Variants in GPD2 observed in about 807,000 individuals in gnomAD.
The protein encoded by GPD2 is glycerol-3-phosphate dehydrogenase, mitochondrial.
In GPD2, 54 loss-of-function variants were observed where a neutral mutation model predicts 82.4. That is an observed-to-expected ratio of 0.66 (90% CI 0.53 to 0.82). The LOEUF (loss-of-function observed/expected upper bound fraction) is 0.82. GPD2 is among the 40% of genes least tolerant of loss of function. GPD2 has a pLI of 0.00. For synonymous variants in GPD2, 288 were observed against 306.1 expected (o/e 0.94, Z 0.62); for missense variants, 748 against 896.2 (o/e 0.83, Z 2.11).
At chr2:156,572,057 C>G (rs1453250423) in intron 13 of GPD2, among the ~76,000 whole-genome samples, 2 of 152,128 alleles carry the variant, frequency 1.3e-5, no homozygotes, top group African/African-American at 4.8e-5. Flanking sequence ...CCTTGTTTTA[C>G]TTGGCCAATT....
At chr2:156,483,811 A>G (rs1045258561) in intron 2 of GPD2, among the ~76,000 whole-genome samples, 21 of 152,138 alleles carry the variant, frequency 1.4e-4, no homozygotes, top group Non-Finnish European at 2.9e-4. Context: ...TGAATATAAC[A>G]ATTTGTTTAT....
At chr2:156,482,910 A>T (rs1043634300) in intron 2 of GPD2, among the ~76,000 whole-genome samples, 1 of 152,174 alleles carries the variant, frequency 6.6e-6, no homozygotes, top group African/African-American at 2.4e-5. Context: ...GAGGAAAAAT[A>T]TTTATGCTAA....
chr2:156,418,097 C>A, the GPD2 span, among the ~76,000 whole-genome samples: 1 of 152,100 alleles, frequency 6.6e-6, no homozygotes, highest in East Asian at 1.9e-4. Context: ...TGCCTGTAGT[C>A]CCAGCTACTC....
At position 156,550,761 on chromosome 2, in the gene GPD2, A is replaced by G. The variant is rs376831748; in HGVS notation, c.971+15A>G. 15 of 1,610,270 alleles carry G rather than the reference A, an allele frequency of 9.3e-6. No homozygotes were observed. The highest frequency in any genetic ancestry group is 8.9e-5 in the East Asian group (4 of 44,820). ...GGTTATTACAGGTAATTGTCTTCCA[A>G]TGTGGCAGTTGTCACCCAAAAAAGA... On this transcript the variant is annotated intron_variant, in intron 8 of 16. Coordinates refer to ENST00000438166, the MANE Select transcript of GPD2 (RefSeq NM_000408.5).
At chr2:156,429,828 C>T in the GPD2 span, among the ~76,000 whole-genome samples, 1 of 152,112 alleles carries the variant, frequency 6.6e-6, no homozygotes, top group African/African-American at 2.4e-5. Context: ...AGGTGGAGAT[C>T]TACCAAATGA....
At chr2:156,526,057 AAT>A in intron 6 of GPD2, among the ~76,000 whole-genome samples, 1 of 152,044 alleles carries the variant, frequency 6.6e-6, no homozygotes, top group African/African-American at 2.4e-5. Context: ...TTTTTCACCT[AAT>A]AGAGTAGATA....
chr2:156,573,026 G>A (rs1287132151), intron 13 of GPD2, among the ~76,000 whole-genome samples: 1 of 152,136 alleles, frequency 6.6e-6, no homozygotes, highest in Non-Finnish European at 1.5e-5. Context: ...GGGCATCTAT[G>A]ATACATGCTG....
At chr2:156,482,766 G>A (rs1454811007) in intron 2 of GPD2, among the ~76,000 whole-genome samples, 2 of 152,182 alleles carry the variant, frequency 1.3e-5, no homozygotes, top group East Asian at 3.9e-4. Flanking sequence ...AGTGGCTTAG[G>A]AAATACTATA....
intron 1 of GPD2, among the ~76,000 whole-genome samples, chr2:156,452,208 G>A (rs575920391): frequency 5.3e-5 from 8 of 152,344 alleles, no homozygotes; most frequent in African/African-American, 1.9e-4. Flanking sequence ...CAGGCGGCTG[G>A]GAGGTGGAGG....
intron 6 of GPD2, among the ~76,000 whole-genome samples, chr2:156,522,848 A>G (rs1361170013): frequency 6.6e-6 from 1 of 152,208 alleles, no homozygotes; most frequent in Admixed American, 6.5e-5. Context: ...TTTTTTAGCT[A>G]AAAAGAGGAC....
intron 1 of GPD2, among the ~76,000 whole-genome samples, chr2:156,448,811 A>T (rs1407718130): frequency 6.6e-6 from 1 of 152,238 alleles, no homozygotes; most frequent in African/African-American, 2.4e-5. Flanking sequence ...AAATGACCAC[A>T]AACTTGGTGG....
At chr2:156,559,251 A>G (rs2105348622) in intron 9 of GPD2, among the ~76,000 whole-genome samples, 1 of 152,260 alleles carries the variant, frequency 6.6e-6, no homozygotes, top group South Asian at 2.1e-4. Context: ...TTGAGGGTAA[A>G]GATTCTTTAT....
chr2:156,513,708 A>T (rs1156765553), intron 6 of GPD2, among the ~76,000 whole-genome samples: 2 of 151,980 alleles, frequency 1.3e-5, no homozygotes, highest in African/African-American at 4.8e-5. Flanking sequence ...TATTTTACAT[A>T]TTTGTTTTCT....
intron 6 of GPD2, among the ~76,000 whole-genome samples, chr2:156,539,671 T>G (rs755928686): frequency 6.6e-6 from 1 of 152,164 alleles, no homozygotes; most frequent in Non-Finnish European, 1.5e-5. Flanking sequence ...ACACTCGAAA[T>G]CACCCCTGGG....
At chr2:156,524,293 A>G (rs572965814) in intron 6 of GPD2, among the ~76,000 whole-genome samples, 2 of 152,276 alleles carry the variant, frequency 1.3e-5, no homozygotes, top group Admixed American at 6.5e-5. Context: ...GTTGCTGCAT[A>G]AGAAGCAACA....
chr2:156,581,232 A>G (rs1197436581), intron 16 of GPD2, among the ~76,000 whole-genome samples: 3 of 152,146 alleles, frequency 2.0e-5, no homozygotes, highest in Non-Finnish European at 4.4e-5. Flanking sequence ...TGCTTTTACT[A>G]AGAACAAATA....
intron 1 of GPD2, among the ~76,000 whole-genome samples, chr2:156,447,012 C>T (rs1682391544): frequency 6.6e-6 from 1 of 151,998 alleles, no homozygotes; most frequent in Non-Finnish European, 1.5e-5. Flanking sequence ...TACTCTGGAT[C>T]CCCCATTCCC....
chr2:156,549,716 A>AC lies in GPD2; in HGVS notation c.775dup (p.Gln259ProfsTer22), dbSNP rs746377209. The AC allele has an allele frequency of 9.3e-6, 15 of 1,613,802 alleles. No individual in the cohort carries two copies. The highest frequency in any genetic ancestry group is 2.2e-5 in the East Asian group (1 of 44,876). ...GTAGTGAGCTTGCTCAAGAAGACAG[A>AC]CCCCCAGACAGGGAAAGTGCGTGTG... On this transcript the variant is annotated frameshift_variant, in exon 7 of 17. Transcript: ENST00000438166. LOFTEE classifies it high-confidence loss of function.
intron 3 of GPD2, among the ~76,000 whole-genome samples, chr2:156,502,137 T>C (rs1573936692): frequency 6.6e-6 from 1 of 152,094 alleles, no homozygotes; most frequent in Admixed American, 6.6e-5. Flanking sequence ...TGTGTATGTA[T>C]GCATGCATAT....
Sources: allele counts gnomAD v4.1 joint callset (sites outside exome capture counted in the v4.1 genomes callset), GRCh38; gene constraint gnomAD v4.1.1; transcripts MANE v1.5; gene names NCBI Gene and HGNC (gene_info 2026-07-23, HGNC 2026-07-21).